Variants in CDH18 observed in about 807,000 individuals in gnomAD.
CDH18 encodes cadherin-18.
Under a neutral mutation model 67.9 loss-of-function variants are expected in CDH18, and 31 were observed. The ratio of observed to expected loss-of-function variants is 0.46; its 90% CI spans 0.34 to 0.62. The LOEUF (loss-of-function observed/expected upper bound fraction) is 0.62. Ranked by LOEUF, CDH18 falls within the 20% of genes least tolerant of loss-of-function variation. The pLI, the probability that CDH18 is intolerant of heterozygous loss-of-function variation, is 0.01. For missense variants in CDH18, 890 were observed against 975.5 expected, an observed-to-expected ratio of 0.91 and a Z score of 1.17; for synonymous variants, 362 against 347.2, an observed-to-expected ratio of 1.04 and a Z score of -0.48.
At chr5:20,066,968 C>A (rs541965332) in intron 2 of CDH18, among the ~76,000 whole-genome samples, 2 of 151,668 alleles carry the variant, frequency 1.3e-5, no homozygotes, top group African/African-American at 4.8e-5. Flanking sequence ...TCCATGGATT[C>A]CTCATCCAAA....
intron 4 of CDH18, among the ~76,000 whole-genome samples, chr5:19,738,910 A>T (rs1480182673): frequency 6.6e-6 from 1 of 152,200 alleles, no homozygotes; most frequent in Non-Finnish European, 1.5e-5. Flanking sequence ...ATATAAGTTT[A>T]AAAAAAGTAA....
rs1401458166 is a variant in CDH18 at position 20,056,383 on chromosome 5, G to GTT, written c.-517-64371_-517-64370dup. Among the ~76,000 whole-genome samples the GTT allele has an allele frequency of 9.7e-5, 12 of 124,152 alleles. No individual in the cohort carries two copies. In the South Asian group the frequency reaches 3.2e-3, roughly 34 times the overall value. The allele number at this position is 124,152 out of a possible 152,430, so 81.4% of individuals were successfully genotyped here. On this transcript the variant is annotated intron_variant, in intron 2 of 14. Transcript: ENST00000507958. ...TTTCACAATCAGGAATGGACAAGCTGTTTTTTTTGTTTGTTTGTTTGTTTT... is the reference window on the plus strand; with the variant it reads ...TTTCACAATCAGGAATGGACAAGCTGTTTTTTTTTTGTTTGTTTGTTTGTTTT...
Position 19,675,651 on chromosome 5 carries a change from G to A in CDH18, c.643+45696C>T, listed in dbSNP as rs187370262. 5.6e-3 allele frequency among the ~76,000 whole-genome samples: 859 copies of A among 152,136 alleles called. 4 individuals are homozygous for A. The highest frequency in any genetic ancestry group is 8.5e-3 in the Non-Finnish European group (579 of 67,990). On this transcript the variant is annotated intron_variant, in intron 5 of 12. Coordinates refer to ENST00000382275, the MANE Select transcript of CDH18 (RefSeq NM_004934.5). ...TCCTGTTCTTTTTTCAAGGTGCCCA[G>A]ATTTCATATTGTTTAAACAATTTGT...
At chr5:20,255,853 G>A (rs1159347242) in intron 1 of CDH18, among the ~76,000 whole-genome samples, 1 of 151,156 alleles carries the variant, frequency 6.6e-6, no homozygotes, top group Non-Finnish European at 1.5e-5. Context: ...CCTTAAACAT[G>A]GTCAAAATTT....
intron 2 of CDH18, among the ~76,000 whole-genome samples, chr5:19,907,460 T>C (rs1009249570): frequency 6.6e-6 from 1 of 151,996 alleles, no homozygotes; most frequent in Non-Finnish European, 1.5e-5. Context: ...TAATACAACA[T>C]TGGTAATAAT....
At chr5:20,235,566 C>T (rs1742413497) in intron 2 of CDH18, among the ~76,000 whole-genome samples, 1 of 152,046 alleles carries the variant, frequency 6.6e-6, no homozygotes, top group South Asian at 2.1e-4. Context: ...AAATCAAAAC[C>T]ACAATGATAG....
At chr5:19,984,062 G>T (rs1799319830) in intron 1 of CDH18, among the ~76,000 whole-genome samples, 1 of 151,934 alleles carries the variant, frequency 6.6e-6, no homozygotes, top group South Asian at 2.1e-4. Context: ...AAAAAATCAT[G>T]TATCCTCTCT....
At chr5:20,324,620 T>C (rs1267142339) in intron 1 of CDH18, among the ~76,000 whole-genome samples, 1 of 151,948 alleles carries the variant, frequency 6.6e-6, no homozygotes, top group African/African-American at 2.4e-5. Flanking sequence ...TTCATGGGAG[T>C]CTTTACTGAA....
intron 2 of CDH18, among the ~76,000 whole-genome samples, chr5:19,946,049 A>G (rs1795258227): frequency 6.6e-6 from 1 of 152,164 alleles, no homozygotes; most frequent in Non-Finnish European, 1.5e-5. Context: ...ACCCACACCA[A>G]GACAAATTAG....
At chr5:19,498,419 C>T (rs1742698276) in intron 11 of CDH18, among the ~76,000 whole-genome samples, 1 of 152,156 alleles carries the variant, frequency 6.6e-6, no homozygotes, top group Non-Finnish European at 1.5e-5. Flanking sequence ...GGTATTATTG[C>T]TCACAAAGGG....
Position 20,298,466 on chromosome 5 carries a change from T to C in CDH18, c.-579-42961A>G, listed in dbSNP as rs115474633. Among the ~76,000 whole-genome samples, 321 of 152,254 alleles carry C rather than the reference T, an allele frequency of 2.1e-3. 1 individual carries two copies. The highest frequency in any genetic ancestry group is 7.3e-3 in the African/African-American group (302 of 41,574). On this transcript the variant is annotated intron_variant, in intron 1 of 14. Transcript: ENST00000507958. The stretch of plus-strand genomic sequence containing the variant: ...ATCCTTCCTTTGGGGAAGTTGTCTA[T>C]TCACTGAGCAAGTTATCTTATTCCT...
At chr5:19,748,112 C>CAAAAAAAAAAAAAA (rs766955714) in intron 3 of CDH18, among the ~76,000 whole-genome samples, 2,663 of 14,848 alleles carry the variant, frequency 0.18, 1,202 homozygotes, top group Non-Finnish European at 0.28. Flanking sequence ...GACTCCATCT[C>CAAAAAAAAAAAAAA]AAAAAAAAAA....
At chr5:19,997,662 CA>C (rs1223508336) in intron 2 of CDH18, among the ~76,000 whole-genome samples, 1 of 152,080 alleles carries the variant, frequency 6.6e-6, no homozygotes, top group Non-Finnish European at 1.5e-5. Context: ...TTTTCTATCC[CA>C]GCATTTGCTT....
In CDH18 at chr5:19,836,731, G is replaced by C. The variant is rs564014754; in HGVS notation, c.228+2028C>G. Among the ~76,000 whole-genome samples, 10 of 152,204 alleles carry C rather than the reference G, an allele frequency of 6.6e-5. No homozygotes were observed. The South Asian group carries it at 2.1e-3, about 32-fold the overall frequency. On this transcript the variant is annotated intron_variant, in intron 3 of 12. Transcript: ENST00000382275. The stretch of plus-strand genomic sequence containing the variant: ...CCATTGCTTTTTGTGTTTTAGTCAT[G>C]AAGTCTTTGCCCACGCCTACATCCT...
intron 5 of CDH18, among the ~76,000 whole-genome samples, chr5:19,619,844 G>T (rs1427605197): frequency 6.6e-6 from 1 of 152,142 alleles, no homozygotes; most frequent in African/African-American, 2.4e-5. Flanking sequence ...CTTCCAGTGG[G>T]TGATGGATTA....
Position 20,552,035 on chromosome 5 carries a change from ATTGAGT to A in CDH18, c.-580+23421_-580+23426del, listed in dbSNP as rs371025097. Among the ~76,000 whole-genome samples, 481 of 152,320 alleles carry A rather than the reference ATTGAGT, an allele frequency of 3.2e-3. 3 individuals are homozygous for A. Among genetic ancestry groups the A allele is most frequent in the African/African-American group, 0.011 (447 of 41,580 alleles). On this transcript the variant is annotated intron_variant, in intron 1 of 14. Transcript: ENST00000507958. ...AGTTGGAGAAGAAAGAAGTAAACAA[ATTGAGT>A]TTGAGTGTTCAAATATTCAAGAAAC...
intron 11 of CDH18, 129 bp from the exon 12 acceptor site, chr5:19,483,681 C>T (rs1271442708): frequency 1.6e-5 from 14 of 901,300 alleles, no homozygotes; most frequent in East Asian, 5.5e-5. Context: ...CAAGGGAACA[C>T]GAAGGGGCAA....
chr5:20,528,024 A>G (rs1355488984), intron 1 of CDH18, among the ~76,000 whole-genome samples: 1 of 152,112 alleles, frequency 6.6e-6, no homozygotes, highest in African/African-American at 2.4e-5. Flanking sequence ...CGTGTCTCAC[A>G]TGCAAAAACA....
At chr5:20,230,232 C>T (rs1741958770) in intron 2 of CDH18, among the ~76,000 whole-genome samples, 1 of 152,070 alleles carries the variant, frequency 6.6e-6, no homozygotes, top group Non-Finnish European at 1.5e-5. Context: ...GCTGAGAGAT[C>T]CACTACCCCA....
Sources: allele counts gnomAD v4.1 joint callset (sites outside exome capture counted in the v4.1 genomes callset), GRCh38; gene constraint gnomAD v4.1.1; transcripts MANE v1.5; gene names NCBI Gene and HGNC (gene_info 2026-07-23, HGNC 2026-07-21).